RYR3: variants seen among roughly 807,000 people sequenced by gnomAD.
RYR3 encodes brain ryanodine receptor-calcium release channel.
In RYR3, 207 loss-of-function variants were observed where a neutral mutation model predicts 584.3. That is an observed-to-expected ratio of 0.35 (90% CI 0.32 to 0.40). RYR3 has a LOEUF of 0.40. Ranked by LOEUF, RYR3 falls within the 10% of genes least tolerant of loss-of-function variation. RYR3 has a pLI of 1.00. For synonymous variants in RYR3, 2,416 were observed against 2,248.5 expected (o/e 1.07, Z -2.11); for missense variants, 5,616 against 6,089.2 (o/e 0.92, Z 2.59).
chr15:33,844,770 T>C (rs7181900), intron 92 of RYR3, 92 bp from the exon 93 acceptor site: 1,122,220 of 1,126,486 alleles, frequency 1, 559,103 homozygotes, highest in East Asian at 1. Flanking sequence ...ACTATTTGTA[T>C]AGCACATGCT....
chr15:33,617,189 C>A (rs549303251), intron 19 of RYR3, among the ~76,000 whole-genome samples: 2 of 151,814 alleles, frequency 1.3e-5, no homozygotes, highest in African/African-American at 2.4e-5. Flanking sequence ...CTGAGGCGGG[C>A]GGATCATGAG....
chr15:33,433,592 G>A (rs2045400293), intron 1 of RYR3, among the ~76,000 whole-genome samples: 1 of 152,200 alleles, frequency 6.6e-6, no homozygotes, highest in Non-Finnish European at 1.5e-5. Context: ...AAATATAGAA[G>A]TAGCTGATTT....
chr15:33,406,909 A>G (rs2043060987), intron 1 of RYR3, among the ~76,000 whole-genome samples: 1 of 152,246 alleles, frequency 6.6e-6, no homozygotes, highest in Non-Finnish European at 1.5e-5. Flanking sequence ...GTGCTTCTAT[A>G]ACAAAATACC....
intron 43 of RYR3, among the ~76,000 whole-genome samples, chr15:33,714,912 A>G (rs1444934437): frequency 6.6e-6 from 1 of 152,250 alleles, no homozygotes; most frequent in African/African-American, 2.4e-5. Context: ...TGGAATAATT[A>G]CTAAAAACTT....
intron 26 of RYR3, 104 bp downstream of exon 26, chr15:33,635,923 T>C: frequency 1.1e-6 from 1 of 935,142 alleles, no homozygotes; most frequent in Admixed American, 2.1e-5. Flanking sequence ...TCAAAGTGAG[T>C]GACCACCACC....
intron 27 of RYR3, among the ~76,000 whole-genome samples, chr15:33,641,673 A>G (rs972857075): frequency 1.3e-5 from 2 of 152,050 alleles, no homozygotes; most frequent in African/African-American, 4.8e-5. Flanking sequence ...CAAGCCTTAG[A>G]TTTAGCTGTT....
At chr15:33,639,429 G>T (rs1056937160) in intron 27 of RYR3, among the ~76,000 whole-genome samples, 7 of 152,170 alleles carry the variant, frequency 4.6e-5, no homozygotes, top group Non-Finnish European at 7.3e-5. Context: ...TAGCCCCAAG[G>T]CCTGGAATAA....
At chr15:33,624,843 T>G (rs1326769720) in intron 20 of RYR3, among the ~76,000 whole-genome samples, 1 of 152,228 alleles carries the variant, frequency 6.6e-6, no homozygotes, top group Non-Finnish European at 1.5e-5. Context: ...TCTAAGGCAC[T>G]TGGGGTTAAT....
At chr15:33,450,105 A>AAAAAAAAAAAAAAC (rs2046999538) in intron 1 of RYR3, among the ~76,000 whole-genome samples, 1 of 141,934 alleles carries the variant, frequency 7.0e-6, no homozygotes, top group African/African-American at 2.7e-5. Flanking sequence ...AAAAAAAAAA[A>AAAAAAAAAAAAAAC]AAAAAAGCCG....
intron 2 of RYR3, among the ~76,000 whole-genome samples, chr15:33,487,968 G>C (rs2050605132): frequency 6.6e-6 from 1 of 152,172 alleles, no homozygotes; most frequent in East Asian, 1.9e-4. Flanking sequence ...GATATCTAAA[G>C]AAATAGCATA....
chr15:33,790,000 T>G (rs2075054147), intron 67 of RYR3, among the ~76,000 whole-genome samples: 2 of 104,556 alleles, frequency 1.9e-5, no homozygotes, highest in South Asian at 7.4e-4. Flanking sequence ...TTTTTTTTTT[T>G]TTTTTTTTTG....
At chr15:33,633,613 T>G (rs917549500) in intron 24 of RYR3, among the ~76,000 whole-genome samples, 2 of 152,164 alleles carry the variant, frequency 1.3e-5, no homozygotes, top group Non-Finnish European at 2.9e-5. Context: ...TATGTGCACA[T>G]TAGTTAATTC....
chr15:33,833,500 G>T (rs2077828000), intron 86 of RYR3, among the ~76,000 whole-genome samples: 1 of 152,176 alleles, frequency 6.6e-6, no homozygotes, highest in South Asian at 2.1e-4. Flanking sequence ...GCGTTATAAG[G>T]ACATGAAGTG....
chr15:33,684,201 C>T (rs2152744859), intron 38 of RYR3, among the ~76,000 whole-genome samples: 1 of 152,354 alleles, frequency 6.6e-6, no homozygotes, highest in South Asian at 2.1e-4. Context: ...TCCCTGACCC[C>T]CATGTAGCCT....
intron 80 of RYR3, among the ~76,000 whole-genome samples, 157 bp from the exon 81 acceptor site, chr15:33,822,839 G>A (rs1052612019): frequency 5.3e-5 from 8 of 152,202 alleles, no homozygotes; most frequent in Non-Finnish European, 8.8e-5. Flanking sequence ...GCCAGTGGGC[G>A]TTTATAAAAT....
At chr15:33,682,740 G>A (rs933573259) in intron 38 of RYR3, among the ~76,000 whole-genome samples, 3 of 152,044 alleles carry the variant, frequency 2.0e-5, no homozygotes, top group East Asian at 1.9e-4. Flanking sequence ...CCCATGAACC[G>A]AACCATCGAG....
chr15:33,675,410 C>T (rs1423797136), intron 38 of RYR3, among the ~76,000 whole-genome samples: 1 of 152,210 alleles, frequency 6.6e-6, no homozygotes, highest in Non-Finnish European at 1.5e-5. Context: ...ATTCAACGCC[C>T]ATCCTTGTCA....
chr15:33,369,352 C>A (rs1274516151), intron 1 of RYR3, among the ~76,000 whole-genome samples: 4 of 152,204 alleles, frequency 2.6e-5, no homozygotes, highest in East Asian at 1.9e-4. Flanking sequence ...ACTCCTCCAC[C>A]AAATTACCTT....
intron 1 of RYR3, among the ~76,000 whole-genome samples, chr15:33,314,134 A>C (rs1967747170): frequency 6.6e-6 from 1 of 152,322 alleles, no homozygotes; most frequent in African/African-American, 2.4e-5. Context: ...ACTGTACCCC[A>C]AGCCTTAAGG....
Sources: gnomAD v4.1 joint callset for allele counts (sites outside exome capture counted in the v4.1 genomes callset) on GRCh38, gnomAD v4.1.1 for gene constraint, MANE v1.5 for transcripts, NCBI Gene and HGNC (gene_info 2026-07-23, HGNC 2026-07-21) for gene names.